Variants in ACOXL observed in about 807,000 individuals in gnomAD.
The protein encoded by ACOXL is acyl-CoA oxidase like, also known as acyl-coenzyme A oxidase-like protein.
In ACOXL, 70 loss-of-function variants were observed where a neutral mutation model predicts 71.9. That is an observed-to-expected ratio of 0.97 (90% CI 0.80 to 1.19). The LOEUF (loss-of-function observed/expected upper bound fraction) is 1.19. Among genes scored for constraint, ACOXL ranks in the 50% most tolerant of loss-of-function variants. ACOXL has a pLI of 0.00. For missense variants in ACOXL, 703 were observed against 736.3 expected (o/e 0.95, Z 0.52); for synonymous variants, 253 against 281.6 (o/e 0.90, Z 1.02).
chr2:110,929,596 A>C (rs1364449129), intron 11 of ACOXL, among the ~76,000 whole-genome samples: 1 of 152,274 alleles, frequency 6.6e-6, no homozygotes, highest in Non-Finnish European at 1.5e-5. Context: ...CTAATCCCCA[A>C]GACAATGGCA....
At chr2:110,976,155 C>G (rs1046667121) in intron 12 of ACOXL, among the ~76,000 whole-genome samples, 2 of 152,146 alleles carry the variant, frequency 1.3e-5, no homozygotes, top group African/African-American at 4.8e-5. Context: ...AACCCTCAAG[C>G]TGAAAAAACG....
At chr2:110,768,240 G>A in intron 1 of ACOXL, 128 bp from the exon 2 acceptor site, 2 of 674,490 alleles carry the variant, frequency 3.0e-6, no homozygotes, top group South Asian at 1.8e-5. Context: ...GACACACACA[G>A]TGTGCACAGT....
chr2:110,839,715 G>T (rs897150453), intron 9 of ACOXL, among the ~76,000 whole-genome samples: 1 of 152,154 alleles, frequency 6.6e-6, no homozygotes, highest in Non-Finnish European at 1.5e-5. Flanking sequence ...TCTGCAGGAC[G>T]TCGAGCTGGG....
chr2:110,804,171 G>C (rs1686342444), intron 8 of ACOXL, among the ~76,000 whole-genome samples: 1 of 152,010 alleles, frequency 6.6e-6, no homozygotes, highest in Non-Finnish European at 1.5e-5. Flanking sequence ...GTTTTTAGTA[G>C]AGATGGGGTT....
intron 1 of ACOXL, among the ~76,000 whole-genome samples, chr2:110,758,961 T>C (rs530699066): frequency 6.6e-6 from 1 of 152,336 alleles, no homozygotes; most frequent in South Asian, 2.1e-4. Context: ...AGCAGGTTGT[T>C]CCGTTTCCTG....
intron 11 of ACOXL, among the ~76,000 whole-genome samples, chr2:110,913,705 T>C (rs1478274413): frequency 6.6e-6 from 1 of 152,184 alleles, no homozygotes; most frequent in African/African-American, 2.4e-5. Flanking sequence ...TTCTGCAGGC[T>C]ATACAAGCAT....
intron 10 of ACOXL, among the ~76,000 whole-genome samples, chr2:110,872,821 G>A (rs1448279632): frequency 6.6e-6 from 1 of 152,212 alleles, no homozygotes; most frequent in Admixed American, 6.5e-5. Context: ...AGGGTCTAGA[G>A]GGAGGGGCTG....
chr2:110,764,308 GGCAATGGAATATTATTTAGT>G (rs1559231342), intron 1 of ACOXL, among the ~76,000 whole-genome samples: 1 of 152,100 alleles, frequency 6.6e-6, no homozygotes, highest in Non-Finnish European at 1.5e-5. Context: ...GGTACCTCCA[GGCAATGGAATATTATTTAGT>G]GCTAAAAAAA....
chr2:110,735,542 A>C (rs900636571), intron 1 of ACOXL, among the ~76,000 whole-genome samples: 1 of 152,120 alleles, frequency 6.6e-6, no homozygotes, highest in East Asian at 1.9e-4. Flanking sequence ...CTGGGTGGCC[A>C]CTCTCCTCAG....
At chr2:110,994,987 C>T (rs967016048) in intron 13 of ACOXL, among the ~76,000 whole-genome samples, 1 of 151,804 alleles carries the variant, frequency 6.6e-6, no homozygotes, top group African/African-American at 2.4e-5. Context: ...CTAGAATTAT[C>T]GAGAAAATTG....
chr2:110,936,719 T>TA (rs2060676953), intron 12 of ACOXL, among the ~76,000 whole-genome samples: 3 of 152,228 alleles, frequency 2.0e-5, no homozygotes, highest in Admixed American at 2.0e-4. Flanking sequence ...GATAAAGAGA[T>TA]ACATCGGCTG....
At chr2:110,807,435 A>G (rs755126408) in intron 9 of ACOXL, among the ~76,000 whole-genome samples, 2 of 152,218 alleles carry the variant, frequency 1.3e-5, no homozygotes, top group African/African-American at 2.4e-5. Context: ...GCTAAAGGAA[A>G]GGAAGACATG....
At chr2:111,084,258 TACACACACAC>T (rs61263209) in intron 16 of ACOXL, among the ~76,000 whole-genome samples, 3,762 of 135,000 alleles carry the variant, frequency 0.028, 48 homozygotes, top group African/African-American at 0.036. Flanking sequence ...ATCTAAGGAA[TACACACACAC>T]ACACACACAC....
chr2:110,984,729 A>G (rs908836021), intron 12 of ACOXL, among the ~76,000 whole-genome samples: 1 of 152,206 alleles, frequency 6.6e-6, no homozygotes, highest in Non-Finnish European at 1.5e-5. Context: ...AAAAAGTGGA[A>G]ATAGCGGCAG....
At chr2:111,084,994 C>A (rs2068133530) in intron 16 of ACOXL, among the ~76,000 whole-genome samples, 1 of 151,250 alleles carries the variant, frequency 6.6e-6, no homozygotes, top group Non-Finnish European at 1.5e-5. Context: ...GGACATTACA[C>A]AATGATAAAT....
intron 15 of ACOXL, among the ~76,000 whole-genome samples, chr2:111,032,293 G>T (rs116598285): frequency 6.6e-6 from 1 of 152,144 alleles, no homozygotes; most frequent in Non-Finnish European, 1.5e-5. Context: ...CCACTGGTGC[G>T]CAGTGGGTGG....
At chr2:110,818,563 GTA>G (rs1688241507) in intron 9 of ACOXL, among the ~76,000 whole-genome samples, 1 of 150,864 alleles carries the variant, frequency 6.6e-6, no homozygotes, top group African/African-American at 2.4e-5. Flanking sequence ...ATATGTATGT[GTA>G]TATATATGTA....
chr2:110,818,423 A>G (rs868312543), intron 9 of ACOXL, among the ~76,000 whole-genome samples: 2,382 of 137,644 alleles, frequency 0.017, 105 homozygotes, highest in African/African-American at 0.064. Flanking sequence ...ATATATATAT[A>G]TGTGTGTGTG....
intron 16 of ACOXL, among the ~76,000 whole-genome samples, chr2:111,050,957 TG>T (rs2066262471): frequency 6.6e-6 from 1 of 152,140 alleles, no homozygotes; most frequent in Admixed American, 6.5e-5. Context: ...ACTAACAGAT[TG>T]GGGTTGGGAG....
Sources: allele counts gnomAD v4.1 joint callset (sites outside exome capture counted in the v4.1 genomes callset), GRCh38; gene constraint gnomAD v4.1.1; transcripts MANE v1.5; gene names NCBI Gene and HGNC (gene_info 2026-07-23, HGNC 2026-07-21).